Variants in RALYL observed in about 807,000 individuals in gnomAD.
RALYL encodes RNA-binding Raly-like protein.
RALYL carries 29 observed loss-of-function variants against 35.1 expected under a neutral mutation model. That is an observed-to-expected ratio of 0.83 (90% CI 0.61 to 1.13). The LOEUF is 1.13. RALYL is among the 50% of genes most tolerant of loss of function. The pLI is 0.00. For synonymous variants in RALYL, 120 were observed against 127.6 expected (o/e 0.94, Z 0.40); for missense variants, 359 against 360.4 (o/e 1.00, Z 0.03).
rs1830893118 is a variant in RALYL at position 84,254,747 on chromosome 8, A to G, written c.-24+70323A>G. ...ACTACCCAAGACTGGGTAATTTATG[A>G]AAAAAAAAAAAAAGAGGTTTAATTG... On this transcript the variant is annotated intron_variant, in intron 1 of 8. Transcript: ENST00000521268. Among the ~76,000 whole-genome samples, 3 of 20,014 alleles carry G rather than the reference A, an allele frequency of 1.5e-4. No homozygotes were observed. The Admixed American group carries it at 1.5e-3, about 10-fold the overall frequency. The allele number at this position is 20,014 out of a possible 152,430, so 13.1% of individuals were successfully genotyped here.
chr8:84,429,535 A>T (rs972079816), intron 1 of RALYL, among the ~76,000 whole-genome samples: 2 of 152,106 alleles, frequency 1.3e-5, no homozygotes, highest in African/African-American at 4.8e-5. Context: ...TTTTTGTTTG[A>T]AAAACACAGA....
chr8:84,247,478 T>C (rs1456310342), intron 1 of RALYL, among the ~76,000 whole-genome samples: 3 of 152,048 alleles, frequency 2.0e-5, no homozygotes, highest in Non-Finnish European at 4.4e-5. Context: ...TATTAGGTTT[T>C]CTTGAAGTTT....
chr8:84,881,015 G>C (rs1198245853), intron 7 of RALYL, among the ~76,000 whole-genome samples: 1 of 151,808 alleles, frequency 6.6e-6, no homozygotes, highest in African/African-American at 2.4e-5. Context: ...ACCATTATTA[G>C]ATTTAAATAA....
At chr8:84,873,245 T>C (rs746161236) in intron 6 of RALYL, 39 bp from the exon 7 acceptor site, 1 of 1,182,100 alleles carries the variant, frequency 8.5e-7, no homozygotes, top group South Asian at 1.3e-5. Flanking sequence ...ATGGTGCATT[T>C]GATGCTCTGT....
intron 3 of RALYL, among the ~76,000 whole-genome samples, chr8:84,783,813 T>G (rs1476913502): frequency 6.6e-6 from 1 of 152,194 alleles, no homozygotes; most frequent in Non-Finnish European, 1.5e-5. Flanking sequence ...GAAATCTCTT[T>G]CTTTATTTTC....
chr8:84,272,214 T>C (rs967426599), intron 1 of RALYL, among the ~76,000 whole-genome samples: 1 of 152,098 alleles, frequency 6.6e-6, no homozygotes, highest in African/African-American at 2.4e-5. Context: ...TGCCTCAGCC[T>C]CCTGAGTAGC....
chr8:84,446,965 G>A (rs749588354), intron 1 of RALYL, among the ~76,000 whole-genome samples: 1 of 151,982 alleles, frequency 6.6e-6, no homozygotes, highest in African/African-American at 2.4e-5. Flanking sequence ...ACACGCTACC[G>A]AGCATTTTGC....
chr8:84,741,076 G>A (rs963383762), intron 2 of RALYL, among the ~76,000 whole-genome samples: 1 of 151,944 alleles, frequency 6.6e-6, no homozygotes, highest in Non-Finnish European at 1.5e-5. Flanking sequence ...TGGTTTATCA[G>A]GCCCCAGTCC....
intron 1 of RALYL, among the ~76,000 whole-genome samples, chr8:84,345,276 C>G (rs1849630117): frequency 6.6e-6 from 1 of 152,060 alleles, no homozygotes; most frequent in East Asian, 1.9e-4. Flanking sequence ...ATAGCCTCCT[C>G]TATTACGTTA....
chr8:84,358,162 G>A (rs1192153176), intron 1 of RALYL, among the ~76,000 whole-genome samples: 1 of 151,648 alleles, frequency 6.6e-6, no homozygotes, highest in Non-Finnish European at 1.5e-5. Context: ...AATATGATTA[G>A]GCATATTTTA....
chr8:84,309,038 G>A (rs1274635142), intron 1 of RALYL, among the ~76,000 whole-genome samples: 2 of 151,432 alleles, frequency 1.3e-5, no homozygotes, highest in African/African-American at 2.4e-5. Flanking sequence ...ATTATGTATA[G>A]CAATTATACT....
intron 1 of RALYL, among the ~76,000 whole-genome samples, chr8:84,374,040 T>C (rs186172451): frequency 1.3e-5 from 2 of 152,166 alleles, no homozygotes; most frequent in South Asian, 2.1e-4. Flanking sequence ...ATGCTAGTAA[T>C]TTTTGTACAC....
intron 2 of RALYL, among the ~76,000 whole-genome samples, chr8:84,609,581 C>A (rs1381701992): frequency 6.6e-6 from 1 of 152,110 alleles, no homozygotes; most frequent in Non-Finnish European, 1.5e-5. Flanking sequence ...GTGCCTAGTT[C>A]AAAACTTGAT....
intron 1 of RALYL, among the ~76,000 whole-genome samples, chr8:84,284,183 G>A (rs143121604): frequency 4.6e-5 from 7 of 151,974 alleles, no homozygotes; most frequent in African/African-American, 1.2e-4. Flanking sequence ...GATGAGATGC[G>A]GTCTCATTCA....
At chr8:84,841,941 C>G (rs1833479359) in intron 4 of RALYL, among the ~76,000 whole-genome samples, 1 of 152,170 alleles carries the variant, frequency 6.6e-6, no homozygotes, top group South Asian at 2.1e-4. Context: ...TCACAACATA[C>G]CAGACCTCTG....
intron 1 of RALYL, among the ~76,000 whole-genome samples, chr8:84,378,587 A>G (rs1273785629): frequency 6.6e-6 from 1 of 151,938 alleles, no homozygotes; most frequent in Non-Finnish European, 1.5e-5. Flanking sequence ...CAGTTGCAGC[A>G]AAGTTATTTG....
intron 3 of RALYL, among the ~76,000 whole-genome samples, chr8:84,775,928 G>T (rs1313008518): frequency 6.6e-6 from 1 of 152,082 alleles, no homozygotes; most frequent in African/African-American, 2.4e-5. Flanking sequence ...TCTTTTGTTA[G>T]ATATAGCCAA....
At chr8:84,292,530 C>A (rs1439807376) in intron 1 of RALYL, among the ~76,000 whole-genome samples, 2 of 152,038 alleles carry the variant, frequency 1.3e-5, no homozygotes, top group Non-Finnish European at 2.9e-5. Context: ...TATTCTAAGT[C>A]ACAGGATGAG....
At chr8:84,328,931 C>T (rs146007190) in intron 1 of RALYL, among the ~76,000 whole-genome samples, 166 of 152,200 alleles carry the variant, frequency 1.1e-3, no homozygotes, top group African/African-American at 3.9e-3. Flanking sequence ...CTGCAAAGGA[C>T]GTGATTTCAT....
Sources: gnomAD v4.1 joint callset for allele counts (sites outside exome capture counted in the v4.1 genomes callset) on GRCh38, gnomAD v4.1.1 for gene constraint, MANE v1.5 for transcripts, NCBI Gene and HGNC (gene_info 2026-07-23, HGNC 2026-07-21) for gene names.